The following IL31RA variants were observed in gnomAD, a reference collection of about 807,000 sequenced individuals.
IL31RA encodes interleukin 31 receptor A, also known as interleukin-31 receptor subunit alpha.
In IL31RA, 66 loss-of-function variants were observed where a neutral mutation model predicts 83.7. That is an observed-to-expected ratio of 0.79 (90% CI 0.65 to 0.97). IL31RA has a LOEUF of 0.97. IL31RA is among the 50% of genes least tolerant of loss of function. The pLI, the probability that IL31RA is intolerant of heterozygous loss-of-function variation, is 0.00. For synonymous variants in IL31RA, 325 were observed against 329.0 expected (o/e 0.99, Z 0.13); for missense variants, 798 against 919.4 (o/e 0.87, Z 1.71).
chr5:55,920,212 C>T lies in IL31RA; in HGVS notation c.*3092C>T, dbSNP rs529746233. Among the ~76,000 whole-genome samples the T allele has an allele frequency of 3.9e-5, 6 of 152,274 alleles. No homozygotes were observed. Among genetic ancestry groups the T allele is most frequent in the East Asian group, 1.9e-4 (1 of 5,178 alleles). On this transcript the variant is annotated 3_prime_UTR_variant, in exon 15 of 15. Coordinates refer to ENST00000652347, the MANE Select transcript of IL31RA (RefSeq NM_139017.7). ...GAGAGGCCCACAGTATGGATGCCTC[C>T]GGCTGCTCTGCTGATGCTCTGTGTG...
intron 4 of IL31RA, among the ~76,000 whole-genome samples, chr5:55,876,527 C>T (rs1010593191): frequency 6.6e-6 from 1 of 152,196 alleles, no homozygotes; most frequent in Non-Finnish European, 1.5e-5. Context: ...CAGCCTCTGA[C>T]ATAAATTATT....
intron 4 of IL31RA, among the ~76,000 whole-genome samples, chr5:55,877,182 A>G (rs1308390877): frequency 1.3e-5 from 2 of 152,160 alleles, no homozygotes; most frequent in African/African-American, 4.8e-5. Context: ...CTAAAGTTAT[A>G]ACAATCTAAT....
intron 5 of IL31RA, among the ~76,000 whole-genome samples, chr5:55,886,962 C>G (rs1041000778): frequency 2.0e-5 from 3 of 152,230 alleles, no homozygotes; most frequent in Non-Finnish European, 4.4e-5. Flanking sequence ...TCAACTTTCT[C>G]TTCCAGTTAC....
At chr5:55,862,060 A>G (rs569616550) in intron 2 of IL31RA, among the ~76,000 whole-genome samples, 1 of 152,188 alleles carries the variant, frequency 6.6e-6, no homozygotes, top group African/African-American at 2.4e-5. Context: ...GAAGTGATGA[A>G]TGTTTTTCCC....
At position 55,922,537 on chromosome 5, in the gene IL31RA, C is replaced by G; in HGVS notation, c.*5417C>G. ...ACTGAATCTGTGGCCCCAAGAGAAC[C>G]ATCTCTGAAGACTGGGTATGTGGTC... On this transcript the variant is annotated 3_prime_UTR_variant, in exon 15 of 15. Transcript: ENST00000652347. 1.0e-6 allele frequency: 1 copy of G among 982,334 alleles called. No individual in the cohort carries two copies. The allele number at this position is 982,334 out of a possible 1,614,324, so 60.9% of individuals were successfully genotyped here.
At position 55,886,268 on chromosome 5, in the gene IL31RA, C is replaced by CTTGCTTT. The variant is rs1235138364; in HGVS notation, c.606+3075_606+3076insGCTTTTT. Among the ~76,000 whole-genome samples the CTTGCTTT allele has an allele frequency of 8.4e-5, 6 of 71,512 alleles. 1 individual carries two copies. The highest frequency in any genetic ancestry group is 4.4e-4 in the African/African-American group (6 of 13,706). The allele number at this position is 71,512 out of a possible 152,430, so 46.9% of individuals were successfully genotyped here. A position where few individuals can be genotyped will look rare whatever the true frequency, so the allele number is the denominator to read the frequency against. On this transcript the variant is annotated intron_variant, in intron 5 of 14. Transcript: ENST00000652347. ...GCTAGCTTGCTTGCTTGCTTGCTTG[C>CTTGCTTT]TTTTTTTTTTTTTTTTTTTTTTTGA...
At chr5:55,849,359 T>C (rs1157197581), upstream of IL31RA, among the ~76,000 whole-genome samples, 1 of 152,176 alleles carries the variant, frequency 6.6e-6, no homozygotes, top group Non-Finnish European at 1.5e-5. Context: ...ACCAATTCTA[T>C]ACACAAACAC....
chr5:55,922,269 A>G lies in IL31RA; in HGVS notation c.*5149A>G. 1.3e-6 allele frequency: 1 copy of G among 758,858 alleles called. No homozygotes were observed. Among genetic ancestry groups the G allele is most frequent in the South Asian group, 1.5e-5 (1 of 67,540 alleles). The allele number at this position is 758,858 out of a possible 1,614,324, so 47.0% of individuals were successfully genotyped here. A position where few individuals can be genotyped will look rare whatever the true frequency, so the allele number is the denominator to read the frequency against. ...AGACGCTTGTCGTGTGCTGATGAAAAGGGCTGGGGAGAAGCAAGGGGCAGG... is the reference window on the plus strand; with the variant it reads ...AGACGCTTGTCGTGTGCTGATGAAAGGGGCTGGGGAGAAGCAAGGGGCAGG... On this transcript the variant is annotated 3_prime_UTR_variant, in exon 15 of 15. Coordinates refer to ENST00000652347, the MANE Select transcript of IL31RA (RefSeq NM_139017.7).
At chr5:55,907,297 C>G (rs954164937) in intron 9 of IL31RA, 62 bp from the exon 10 acceptor site, 1 of 946,928 alleles carries the variant, frequency 1.1e-6, no homozygotes, top group Non-Finnish European at 1.7e-6. Flanking sequence ...AACTCTTAGT[C>G]TAGTATTCCC....
At chr5:55,881,444 T>G (rs1406039703) in intron 4 of IL31RA, among the ~76,000 whole-genome samples, 7 of 152,180 alleles carry the variant, frequency 4.6e-5, no homozygotes, top group Non-Finnish European at 1.0e-4. Flanking sequence ...TGGACTTTTC[T>G]GCGCCTTGGG....
chr5:55,895,475 CTA>C (rs143655438), intron 6 of IL31RA, among the ~76,000 whole-genome samples: 1 of 152,242 alleles, frequency 6.6e-6, no homozygotes, highest in East Asian at 1.9e-4. Context: ...TGTTTCATCC[CTA>C]TATGGTTAGA....
At chr5:55,858,784 A>G (rs1745497719) in intron 1 of IL31RA, among the ~76,000 whole-genome samples, 1 of 152,232 alleles carries the variant, frequency 6.6e-6, no homozygotes, top group Non-Finnish European at 1.5e-5. Context: ...TCCAATAAAC[A>G]AGTAAATGCC....
At position 55,890,155 on chromosome 5, in the gene IL31RA, T is replaced by TCC; in HGVS notation, c.772+22_772+23dup. On this transcript the variant is annotated intron_variant, in intron 6 of 14. Coordinates refer to ENST00000652347, the MANE Select transcript of IL31RA (RefSeq NM_139017.7). ...AAGAAGGCAAGCTACTCCCTGCGAT[T>TCC]CCCGTCCTGTCTGCTCTGGTGTAGG... 1 of 1,612,234 alleles carries TCC rather than the reference T, an allele frequency of 6.2e-7. No homozygotes were observed. Among genetic ancestry groups the TCC allele is most frequent in the Non-Finnish European group, 8.5e-7 (1 of 1,178,988 alleles).
chr5:55,898,813 C>A (rs777324956), intron 7 of IL31RA, among the ~76,000 whole-genome samples: 32 of 152,052 alleles, frequency 2.1e-4, no homozygotes, highest in Non-Finnish European at 3.5e-4. Context: ...CACTTGAGGT[C>A]AGAAGTTCAA....
chr5:55,890,098 C>G lies in IL31RA; in HGVS notation c.735C>G (p.Asp245Glu). The G allele has an allele frequency of 2.5e-6, 4 of 1,613,914 alleles. No homozygotes were observed. The highest frequency in any genetic ancestry group is 3.4e-6 in the Non-Finnish European group (4 of 1,179,854). Reference protein sequence around the residue: ...CAVKESKFWSDWSQEKMGMTE... With the variant: ...CAVKESKFWSEWSQEKMGMTE... The stretch of plus-strand genomic sequence containing the variant: ...TCAAGGAGTCAAAGTTCTGGAGTGA[C>G]TGGAGCCAAGAAAAAATGGGAATGA... The change falls in exon 6 of 15, where the codon GAC becomes GAG. Residue 245 changes from aspartate to glutamate, a missense_variant. By Grantham distance (45) the Asp-to-Glu change is conservative (BLOSUM62 2). Transcript: ENST00000652347.
intron 13 of IL31RA, among the ~76,000 whole-genome samples, chr5:55,914,144 C>T (rs188966584): frequency 6.6e-6 from 1 of 152,314 alleles, no homozygotes; most frequent in East Asian, 1.9e-4. Flanking sequence ...AGCCTTATGG[C>T]ACCCTAATGG....
Position 55,917,366 on chromosome 5 carries a change from C to G in IL31RA, c.*246C>G. The G allele has an allele frequency of 8.9e-6, 12 of 1,348,792 alleles. No homozygotes were observed. The highest frequency in any genetic ancestry group is 1.2e-5 in the Non-Finnish European group (12 of 1,042,514). The allele number at this position is 1,348,792 out of a possible 1,614,324, so 83.6% of individuals were successfully genotyped here. On this transcript the variant is annotated 3_prime_UTR_variant, in exon 15 of 15. Coordinates refer to ENST00000652347, the MANE Select transcript of IL31RA (RefSeq NM_139017.7). ...CAGTCTCTTTTCGTTTGTTCAGATA[C>G]CAAGCTCTCACCGAGGCCTCCTGAC...
intron 4 of IL31RA, among the ~76,000 whole-genome samples, chr5:55,882,176 G>A (rs1747281294): frequency 6.6e-6 from 1 of 152,166 alleles, no homozygotes; most frequent in African/African-American, 2.4e-5. Flanking sequence ...TTTCCTGGTG[G>A]GGTGTAGGGG....
chr5:55,898,460 A>C (rs1748573678), intron 7 of IL31RA, among the ~76,000 whole-genome samples: 1 of 152,146 alleles, frequency 6.6e-6, no homozygotes, highest in Non-Finnish European at 1.5e-5. Flanking sequence ...AAAGCCATTG[A>C]ACTCACATTA....
Sources: allele counts gnomAD v4.1 joint callset (sites outside exome capture counted in the v4.1 genomes callset), GRCh38; gene constraint gnomAD v4.1.1; transcripts MANE v1.5; gene names NCBI Gene and HGNC (gene_info 2026-07-23, HGNC 2026-07-21).